Variants in UGGT2 observed in about 807,000 individuals in gnomAD.
UGGT2 encodes the protein UDP-glucose glycoprotein glucosyltransferase 2, also known as UDP-glucose:glycoprotein glucosyltransferase 2.
In UGGT2, 180 loss-of-function variants were observed where a neutral mutation model predicts 192.1. The ratio of observed to expected loss-of-function variants is 0.94; its 90% CI spans 0.83 to 1.06. UGGT2 has a LOEUF of 1.06. Ranked by LOEUF, UGGT2 falls within the 50% of genes least tolerant of loss-of-function variation. UGGT2 has a pLI of 0.00. For missense variants in UGGT2, 1,849 were observed against 1,795.7 expected (o/e 1.03, Z -0.54); for synonymous variants, 580 against 591.0 (o/e 0.98, Z 0.27).
intron 13 of UGGT2, 47 bp downstream of exon 13, chr13:95,949,288 T>C: frequency 7.2e-7 from 1 of 1,387,174 alleles, no homozygotes; most frequent in Non-Finnish European, 9.5e-7. Flanking sequence ...GAAAGAATGC[T>C]GATATCTTTA....
chr13:95,953,973 A>C (rs2050141283), intron 12 of UGGT2, among the ~76,000 whole-genome samples: 1 of 152,174 alleles, frequency 6.6e-6, no homozygotes, highest in South Asian at 2.1e-4. Context: ...TGTTTCAGAG[A>C]TAAGTCAAAT....
At chr13:95,927,438 G>T in intron 17 of UGGT2, 102 bp from the exon 18 acceptor site, 18 of 770,514 alleles carry the variant, frequency 2.3e-5, no homozygotes, top group South Asian at 1.1e-4. Flanking sequence ...AAATAAATAA[G>T]CAATTTAGAA....
chr13:95,841,956 A>C (rs928893077), intron 36 of UGGT2, among the ~76,000 whole-genome samples: 1 of 152,142 alleles, frequency 6.6e-6, no homozygotes, highest in Non-Finnish European at 1.5e-5. Flanking sequence ...TTCCCCATTA[A>C]GTTGTCTTGG....
chr13:96,022,949 A>ATT (rs2052558666), intron 4 of UGGT2, 91 bp downstream of exon 4: 2 of 789,820 alleles, frequency 2.5e-6, no homozygotes, highest in Non-Finnish European at 3.6e-6. Context: ...AATGTCTTAG[A>ATT]ATATTAAATT....
intron 38 of UGGT2, among the ~76,000 whole-genome samples, chr13:95,811,276 A>G (rs1216349711): frequency 2.0e-5 from 3 of 152,206 alleles, no homozygotes; most frequent in African/African-American, 7.2e-5. Context: ...TGAAAACATA[A>G]TATCCACTTA....
chr13:95,924,630 A>T (rs538638454), intron 20 of UGGT2, among the ~76,000 whole-genome samples: 1 of 152,082 alleles, frequency 6.6e-6, no homozygotes, highest in Non-Finnish European at 1.5e-5. Flanking sequence ...TGCTCAACAA[A>T]CAGAAAACAC....
Position 95,972,587 on chromosome 13 carries a change from C to A in UGGT2, c.1177G>T (p.Ala393Ser). The A allele has an allele frequency of 6.2e-7, 1 of 1,610,748 alleles. No homozygotes were observed. Among genetic ancestry groups the A allele is most frequent in the African/African-American group, 1.3e-5 (1 of 74,928 alleles). The change falls in exon 11 of 39, where the codon GCT becomes TCT. Residue 393 changes from alanine (A) to serine (S), a missense_variant. Ala to Ser is a moderately conservative substitution (Grantham distance 99). Coordinates refer to ENST00000376747, the MANE Select transcript of UGGT2 (RefSeq NM_020121.4). ...GLRVDMDVYD[A>S]FSILDMLKLE... ...CAATAATTTAATACTTACCTAAAAG[C>A]GTCATAAACATCCATATCAACACGA...
intron 12 of UGGT2, among the ~76,000 whole-genome samples, chr13:95,962,985 G>A (rs1291718139): frequency 6.6e-6 from 1 of 152,100 alleles, no homozygotes; most frequent in Non-Finnish European, 1.5e-5. Context: ...AGAGCCATCA[G>A]ATCTCATAAG....
intron 7 of UGGT2, among the ~76,000 whole-genome samples, chr13:95,993,245 G>C (rs2051511232): frequency 6.6e-6 from 1 of 152,174 alleles, no homozygotes; most frequent in African/African-American, 2.4e-5. Context: ...GTCTATTAGA[G>C]TGGGAAGATG....
intron 38 of UGGT2, chr13:95,809,300 G>C (rs967465314): frequency 3.9e-6 from 2 of 510,240 alleles, no homozygotes; most frequent in Admixed American, 2.0e-5. Flanking sequence ...ACATGGTATA[G>C]GATATTAATC....
At chr13:95,939,832 T>A in intron 16 of UGGT2, 125 bp downstream of exon 16, 1 of 732,306 alleles carries the variant, frequency 1.4e-6, no homozygotes, top group Non-Finnish European at 2.1e-6. Flanking sequence ...CAGCCTCTGG[T>A]AACCCCCATT....
intron 10 of UGGT2, among the ~76,000 whole-genome samples, chr13:95,978,383 T>C (rs941281356): frequency 3.9e-5 from 6 of 152,180 alleles, no homozygotes; most frequent in African/African-American, 1.2e-4. Context: ...AGATTATTCA[T>C]TGTTTTGCTG....
intron 20 of UGGT2, among the ~76,000 whole-genome samples, chr13:95,923,515 T>C (rs542704008): frequency 6.6e-6 from 1 of 152,232 alleles, no homozygotes; most frequent in African/African-American, 2.4e-5. Flanking sequence ...ATTACAGGCA[T>C]GTGCCATCAC....
chr13:95,815,582 G>A (rs73556737), intron 38 of UGGT2, among the ~76,000 whole-genome samples: 2,233 of 152,206 alleles, frequency 0.015, 57 homozygotes, highest in African/African-American at 0.051. Flanking sequence ...GAAACATATC[G>A]TATTTATGAA....
chr13:95,829,571 T>C (rs1886438952), intron 38 of UGGT2, among the ~76,000 whole-genome samples: 3 of 152,100 alleles, frequency 2.0e-5, no homozygotes, highest in South Asian at 2.1e-4. Context: ...CCATTCAGAA[T>C]TGCTACAAAG....
chr13:95,864,421 G>A (rs1006055949), intron 30 of UGGT2, among the ~76,000 whole-genome samples: 27 of 152,178 alleles, frequency 1.8e-4, no homozygotes, highest in Middle Eastern at 3.4e-3. Flanking sequence ...CTGAAGAGTC[G>A]GAAAAGCTAC....
chr13:95,921,060 G>A (rs1240215861), intron 20 of UGGT2, among the ~76,000 whole-genome samples: 1 of 152,098 alleles, frequency 6.6e-6, no homozygotes, highest in African/African-American at 2.4e-5. Flanking sequence ...AGAAGGAGTT[G>A]GAAGCCATTA....
intron 37 of UGGT2, among the ~76,000 whole-genome samples, chr13:95,834,217 TTGTG>T (rs3052314): frequency 2.7e-5 from 4 of 150,718 alleles, no homozygotes; most frequent in South Asian, 2.1e-4. Context: ...TACATTGGGT[TTGTG>T]TGTGTGTGTG....
At chr13:95,900,099 T>C (rs1344030527) in intron 22 of UGGT2, among the ~76,000 whole-genome samples, 1 of 152,140 alleles carries the variant, frequency 6.6e-6, no homozygotes, top group Admixed American at 6.6e-5. Flanking sequence ...AAAATATTAG[T>C]ATATAGATAT....
Sources: allele counts gnomAD v4.1 joint callset (sites outside exome capture counted in the v4.1 genomes callset), GRCh38; gene constraint gnomAD v4.1.1; transcripts MANE v1.5; gene names NCBI Gene and HGNC (gene_info 2026-07-23, HGNC 2026-07-21).